ADCY2: variants seen among roughly 807,000 people sequenced by gnomAD.
ADCY2 encodes adenylate cyclase 2.
ADCY2 carries 31 observed loss-of-function variants against 125.2 expected under a neutral mutation model. The observed-to-expected ratio is 0.25, with a 90% CI of 0.19 to 0.33. The LOEUF (loss-of-function observed/expected upper bound fraction) is 0.33. ADCY2 is among the 10% of genes least tolerant of loss of function. The probability of loss-of-function intolerance (pLI) is 1.00; values close to 1 mark genes in which losing one functional copy is unlikely to be tolerated. For synonymous variants in ADCY2, 512 were observed against 548.4 expected (o/e 0.93, Z 0.93); for missense variants, 904 against 1,418.2 (o/e 0.64, Z 5.82).
rs558568140 is a variant in ADCY2, at chr5:7,414,575, A to G, written c.213A>G (p.Glu71=). The change falls in exon 2 of 25, where the codon GAA becomes GAG. Residue 71 remains glutamate, a splice_region_variant and synonymous_variant. Coordinates refer to ENST00000338316, the MANE Select transcript of ADCY2 (RefSeq NM_020546.3). ...LLAVFFALGL[E]VEDHVAFLIT... ...CATGTATTTTTTTATCTCCTCAGGA[A>G]GTTGAAGACCATGTGGCGTTTCTAA... is the stretch of plus-strand genomic sequence containing the variant. The G allele has an allele frequency of 6.2e-7, 1 of 1,607,024 alleles. No homozygotes were observed. The highest frequency in any genetic ancestry group is 8.5e-7 in the Non-Finnish European group (1 of 1,177,468).
In ADCY2 at chr5:7,783,428, A is replaced by G. The variant is rs1177826366; in HGVS notation, c.2385-937A>G. 2.0e-5 allele frequency among the ~76,000 whole-genome samples: 3 copies of G among 152,164 alleles called. No homozygotes were observed. The East Asian group carries it at 5.8e-4, about 30-fold the overall frequency. On this transcript the variant is annotated intron_variant, in intron 18 of 24. Coordinates refer to ENST00000338316, the MANE Select transcript of ADCY2 (RefSeq NM_020546.3). The stretch of plus-strand genomic sequence containing the variant: ...TTTATGCAAGGTCCTATAGCTCAGG[A>G]TTCAAACCCAGGCTCTCTTGCTTTA...
intron 4 of ADCY2, among the ~76,000 whole-genome samples, chr5:7,633,478 G>GA (rs1340907150): frequency 6.6e-6 from 1 of 151,666 alleles, no homozygotes; most frequent in East Asian, 1.9e-4. Context: ...TGCTTTAAAG[G>GA]AAAAAATAAA....
intron 3 of ADCY2, among the ~76,000 whole-genome samples, chr5:7,597,816 G>A (rs772116887): frequency 2.0e-5 from 3 of 152,120 alleles, no homozygotes; most frequent in Non-Finnish European, 4.4e-5. Flanking sequence ...GTAGCGTAGA[G>A]CTGGAATAGA....
chr5:7,692,779 GTTCTT>G (rs1022937652), intron 5 of ADCY2, among the ~76,000 whole-genome samples: 12 of 151,992 alleles, frequency 7.9e-5, no homozygotes, highest in African/African-American at 2.7e-4. Context: ...AATCTGTTTT[GTTCTT>G]TTCTTTTCCA....
At chr5:7,711,015 A>T (rs1226440908) in intron 10 of ADCY2, among the ~76,000 whole-genome samples, 1 of 152,200 alleles carries the variant, frequency 6.6e-6, no homozygotes, top group Admixed American at 6.5e-5. Context: ...AAACCAGATT[A>T]TTTAAGATGG....
chr5:7,573,588 A>ATTTTTTTTTTTTT (rs1561102712), intron 3 of ADCY2, among the ~76,000 whole-genome samples: 1 of 94,622 alleles, frequency 1.1e-5, no homozygotes. Flanking sequence ...TACAGGGTTG[A>ATTTTTTTTTTTTT]TTTTCTTTTT....
chr5:7,411,872 G>T (rs1463693034), intron 1 of ADCY2, among the ~76,000 whole-genome samples: 1 of 152,020 alleles, frequency 6.6e-6, no homozygotes, highest in African/African-American at 2.4e-5. Flanking sequence ...TCAGGAGATC[G>T]AGACCATCCC....
At chr5:7,627,546 C>G (rs544305297) in intron 4 of ADCY2, among the ~76,000 whole-genome samples, 1 of 152,288 alleles carries the variant, frequency 6.6e-6, no homozygotes, top group African/African-American at 2.4e-5. Context: ...ACTGTGCTCC[C>G]CCTCCCTGTG....
At chr5:7,564,238 C>A (rs1383657938) in intron 3 of ADCY2, among the ~76,000 whole-genome samples, 2 of 152,162 alleles carry the variant, frequency 1.3e-5, no homozygotes, top group Non-Finnish European at 2.9e-5. Flanking sequence ...ATTCTGTGAG[C>A]CACCATAGCC....
At chr5:7,701,427 A>G (rs1472422376) in intron 7 of ADCY2, among the ~76,000 whole-genome samples, 2 of 152,330 alleles carry the variant, frequency 1.3e-5, no homozygotes, top group East Asian at 3.9e-4. Flanking sequence ...CATTAGAAAT[A>G]CTATTACATT....
chr5:7,496,251 C>CA (rs1743342433), intron 2 of ADCY2, among the ~76,000 whole-genome samples: 3 of 152,172 alleles, frequency 2.0e-5, no homozygotes, highest in Non-Finnish European at 4.4e-5. Flanking sequence ...TTCCTATACA[C>CA]TTTATAAAAT....
chr5:7,489,082 C>T (rs1376359643), intron 2 of ADCY2, among the ~76,000 whole-genome samples: 1 of 152,180 alleles, frequency 6.6e-6, no homozygotes, highest in Non-Finnish European at 1.5e-5. Context: ...TCCTGCCCTG[C>T]CCAGAGCACT....
At chr5:7,599,773 A>C (rs1262990855) in intron 3 of ADCY2, among the ~76,000 whole-genome samples, 1 of 152,202 alleles carries the variant, frequency 6.6e-6, no homozygotes, top group African/African-American at 2.4e-5. Context: ...CAGTGAAAGA[A>C]GATCTCAAAG....
chr5:7,781,535 A>G (rs1380860022), intron 18 of ADCY2, among the ~76,000 whole-genome samples: 1 of 152,170 alleles, frequency 6.6e-6, no homozygotes, highest in Non-Finnish European at 1.5e-5. Flanking sequence ...AGAAAAGCCA[A>G]TGATGGCCAG....
At chr5:7,771,233 G>A (rs752561516) in intron 17 of ADCY2, among the ~76,000 whole-genome samples, 3 of 152,168 alleles carry the variant, frequency 2.0e-5, no homozygotes, top group Non-Finnish European at 4.4e-5. Context: ...CTGTCCACCT[G>A]TTCACAGCTC....
chr5:7,519,173 A>C (rs1180600563), intron 2 of ADCY2, among the ~76,000 whole-genome samples: 1 of 152,184 alleles, frequency 6.6e-6, no homozygotes, highest in African/African-American at 2.4e-5. Flanking sequence ...TGGAATAGTG[A>C]AGTGGTGACA....
intron 3 of ADCY2, among the ~76,000 whole-genome samples, chr5:7,555,217 C>A (rs4410621): frequency 2.0e-4 from 30 of 152,334 alleles, no homozygotes; most frequent in African/African-American, 6.5e-4. Flanking sequence ...AAGTTTCATC[C>A]TACAGGGAGT....
At chr5:7,689,263 C>A (rs1428558265) in intron 4 of ADCY2, among the ~76,000 whole-genome samples, 1 of 152,172 alleles carries the variant, frequency 6.6e-6, no homozygotes, top group Non-Finnish European at 1.5e-5. Flanking sequence ...AAGCTTAATG[C>A]CTGACTCTTG....
chr5:7,801,172 A>C (rs917677023), intron 20 of ADCY2: 1 of 152,322 alleles, frequency 6.6e-6, no homozygotes, highest in South Asian at 2.1e-4. Context: ...GGTGCCACCA[A>C]ACCTTGGAGT....
Sources: allele counts gnomAD v4.1 joint callset (sites outside exome capture counted in the v4.1 genomes callset), GRCh38; gene constraint gnomAD v4.1.1; transcripts MANE v1.5; gene names NCBI Gene and HGNC (gene_info 2026-07-23, HGNC 2026-07-21).